Variants in ERC2 observed in about 807,000 individuals in gnomAD.
ERC2 encodes ELKS/RAB6-interacting/CAST family member 2.
Under a neutral mutation model 114.8 loss-of-function variants are expected in ERC2, and 42 were observed. That is an observed-to-expected ratio of 0.37 (90% CI 0.29 to 0.47). The LOEUF (loss-of-function observed/expected upper bound fraction) is 0.47, where lower values mean the gene tolerates loss of function less well. Ranked by LOEUF, ERC2 falls within the 20% of genes least tolerant of loss-of-function variation. The pLI is 0.99. For synonymous variants in ERC2, 454 were observed against 425.5 expected, an observed-to-expected ratio of 1.07 and a Z score of -0.82; for missense variants, 939 against 1,150.7, an observed-to-expected ratio of 0.82 and a Z score of 2.66.
chr3:55,616,916 T>C (rs2059144633), intron 17 of ERC2, among the ~76,000 whole-genome samples: 1 of 151,922 alleles, frequency 6.6e-6, no homozygotes, highest in Non-Finnish European at 1.5e-5. Flanking sequence ...GGAGGTGAAG[T>C]GATGAGCCAT....
chr3:55,523,700 G>T (rs1287034326), intron 17 of ERC2, among the ~76,000 whole-genome samples: 3 of 152,240 alleles, frequency 2.0e-5, no homozygotes, highest in African/African-American at 7.2e-5. Flanking sequence ...GCTCACTGAA[G>T]TGTTTCTTGT....
At chr3:55,769,225 C>A (rs2068030266) in intron 14 of ERC2, among the ~76,000 whole-genome samples, 1 of 152,150 alleles carries the variant, frequency 6.6e-6, no homozygotes, top group African/African-American at 2.4e-5. Flanking sequence ...TTAAAGAAGT[C>A]TGTCTTTTTA....
rs752427808 is a variant in ERC2, at chr3:56,320,042, C to T, written c.658-23607G>A. Reference sequence around the variant, plus strand: ...TACCAAAAAAGCTTATCTGAGCAAACGACAATTCATTAATCAGGAACCTCC... The same window carrying T: ...TACCAAAAAAGCTTATCTGAGCAAATGACAATTCATTAATCAGGAACCTCC... On this transcript the variant is annotated intron_variant, in intron 2 of 17. Transcript: ENST00000288221. 1.4e-4 allele frequency among the ~76,000 whole-genome samples: 21 copies of T among 152,286 alleles called. 1 individual carries two copies. The highest frequency in any genetic ancestry group is 8.5e-4 in the Admixed American group (13 of 15,292).
At chr3:55,872,514 T>C (rs912229441) in intron 14 of ERC2, among the ~76,000 whole-genome samples, 2 of 152,216 alleles carry the variant, frequency 1.3e-5, no homozygotes, top group Non-Finnish European at 2.9e-5. Context: ...AATGAAAGCC[T>C]GCAAAGGAAA....
chr3:55,592,032 T>C (rs1200903158), intron 17 of ERC2, among the ~76,000 whole-genome samples: 1 of 152,172 alleles, frequency 6.6e-6, no homozygotes, highest in Non-Finnish European at 1.5e-5. Flanking sequence ...GAATGGCTGG[T>C]GAGGATTCTG....
intron 5 of ERC2, among the ~76,000 whole-genome samples, chr3:56,143,855 A>G (rs764339609): frequency 1.1e-4 from 17 of 152,220 alleles, no homozygotes; most frequent in Non-Finnish European, 2.4e-4. Context: ...CAGCAAGAAA[A>G]CTGACATAAA....
At chr3:55,828,078 G>A (rs146075481) in intron 14 of ERC2, among the ~76,000 whole-genome samples, 11 of 152,324 alleles carry the variant, frequency 7.2e-5, no homozygotes, top group South Asian at 2.1e-4. Context: ...GAAAAATCAC[G>A]TAAGTACAAA....
chr3:55,637,221 T>C (rs941620885), intron 17 of ERC2, among the ~76,000 whole-genome samples: 1 of 152,118 alleles, frequency 6.6e-6, no homozygotes, highest in African/African-American at 2.4e-5. Context: ...ATCCTCAGAG[T>C]TGGGGATAGA....
At chr3:56,345,855 A>G (rs946805630) in intron 2 of ERC2, among the ~76,000 whole-genome samples, 23 of 152,224 alleles carry the variant, frequency 1.5e-4, no homozygotes, top group Non-Finnish European at 3.4e-4. Flanking sequence ...TGGAGTGTGC[A>G]GGGTTTATCA....
intron 17 of ERC2, among the ~76,000 whole-genome samples, chr3:55,581,571 C>T (rs941652402): frequency 2.6e-5 from 4 of 152,032 alleles, no homozygotes; most frequent in Admixed American, 6.6e-5. Context: ...AAATGGTGCT[C>T]CTCTGGTGAA....
chr3:56,024,861 T>C (rs2073946588), intron 7 of ERC2, among the ~76,000 whole-genome samples: 1 of 152,186 alleles, frequency 6.6e-6, no homozygotes. Context: ...TCTCCAAATA[T>C]GGTCCCGGCA....
chr3:56,112,307 T>C (rs2079003059), intron 6 of ERC2, among the ~76,000 whole-genome samples: 1 of 152,154 alleles, frequency 6.6e-6, no homozygotes. Context: ...CAAGAAGTCA[T>C]GTCAAGCAAT....
chr3:56,366,541 C>G (rs914077993), intron 2 of ERC2, among the ~76,000 whole-genome samples: 3 of 152,206 alleles, frequency 2.0e-5, no homozygotes, highest in Non-Finnish European at 2.9e-5. Context: ...AGCACTGTGT[C>G]TGATTCCATT....
chr3:55,900,461 T>G (rs1475338997), intron 13 of ERC2, among the ~76,000 whole-genome samples: 1 of 152,208 alleles, frequency 6.6e-6, no homozygotes, highest in Non-Finnish European at 1.5e-5. Context: ...ACAAACCCAC[T>G]TTCTTATAAT....
chr3:56,215,314 GA>G (rs1176362223), intron 3 of ERC2, among the ~76,000 whole-genome samples: 1 of 151,594 alleles, frequency 6.6e-6, no homozygotes, highest in Non-Finnish European at 1.5e-5. Context: ...CAAGCAAATG[GA>G]AAGCAAAAAA....
At chr3:55,681,459 G>T (rs559431394) in intron 17 of ERC2, among the ~76,000 whole-genome samples, 2 of 152,118 alleles carry the variant, frequency 1.3e-5, no homozygotes, top group Non-Finnish European at 2.9e-5. Flanking sequence ...TCCATCTTTA[G>T]TTATAAATTT....
intron 14 of ERC2, among the ~76,000 whole-genome samples, chr3:55,751,176 C>T (rs1249738542): frequency 2.0e-5 from 3 of 152,208 alleles, no homozygotes; most frequent in Non-Finnish European, 2.9e-5. Context: ...GTGTTTGGCA[C>T]TTCCAAGCTG....
intron 10 of ERC2, among the ~76,000 whole-genome samples, chr3:55,999,086 T>A (rs1404051979): frequency 6.6e-6 from 1 of 152,146 alleles, no homozygotes; most frequent in Non-Finnish European, 1.5e-5. Context: ...CCCGATACCA[T>A]CTCTGCATAC....
intron 2 of ERC2, among the ~76,000 whole-genome samples, chr3:56,369,248 A>G (rs1254486468): frequency 2.0e-5 from 3 of 152,120 alleles, no homozygotes; most frequent in Non-Finnish European, 4.4e-5. Flanking sequence ...TCATTCTTAG[A>G]TTATCCCAAA....
Sources: gnomAD v4.1 joint callset for allele counts (sites outside exome capture counted in the v4.1 genomes callset) on GRCh38, gnomAD v4.1.1 for gene constraint, MANE v1.5 for transcripts, NCBI Gene and HGNC (gene_info 2026-07-23, HGNC 2026-07-21) for gene names.